Variants in DOP1A observed in about 807,000 individuals in gnomAD.
DOP1A encodes the protein protein DOP1A.
A neutral mutation model predicts 267.6 loss-of-function variants in DOP1A; 90 were observed. The observed-to-expected ratio is 0.34, with a 90% CI of 0.28 to 0.40. The LOEUF is 0.40. DOP1A is among the 10% of genes least tolerant of loss of function. DOP1A has a pLI of 1.00. For synonymous variants in DOP1A, 932 were observed against 999.1 expected (o/e 0.93, Z 1.27); for missense variants, 2,437 against 2,900.4 (o/e 0.84, Z 3.67).
chr6:83,130,338 A>G lies in DOP1A; in HGVS notation c.2557A>G (p.Arg853Gly). Reference sequence around the variant, plus strand: ...CCAGGGAAGAGTAGCTGTGGTTATTAGACCTCCCCTCACTCAGGGCAATCT... The same window carrying G: ...CCAGGGAAGAGTAGCTGTGGTTATTGGACCTCCCCTCACTCAGGGCAATCT... ...PNQGRVAVVI[R>G]PPLTQGNLRY... Residue 853 changes from arginine to glycine, a missense_variant, in exon 17 of 39, where the codon AGA becomes GGA. Arg to Gly is a moderately radical substitution (Grantham distance 125). Coordinates refer to ENST00000349129, the MANE Select transcript of DOP1A (RefSeq NM_015018.4). 1.2e-6 allele frequency: 2 copies of G among 1,614,114 alleles called. No homozygotes were observed. Among genetic ancestry groups the G allele is most frequent in the Non-Finnish European group, 1.7e-6 (2 of 1,179,970 alleles).
At chr6:83,076,700 A>C (rs1767153520) in intron 1 of DOP1A, among the ~76,000 whole-genome samples, 1 of 152,160 alleles carries the variant, frequency 6.6e-6, no homozygotes, top group Non-Finnish European at 1.5e-5. Context: ...CCCCTGTGGA[A>C]CACAGTATGG....
chr6:83,169,078 T>C, downstream of DOP1A: 1 of 1,432,178 alleles, frequency 7.0e-7, no homozygotes, highest in Non-Finnish European at 9.1e-7. Context: ...TATAAAGAAT[T>C]ATTCTGTTAG....
Position 83,132,185 on chromosome 6 carries a change from T to C in DOP1A, c.2626T>C (p.Leu876=). 16 of 1,609,910 alleles carry C rather than the reference T, an allele frequency of 9.9e-6. No homozygotes were observed. Among genetic ancestry groups the C allele is most frequent in the Non-Finnish European group, 1.3e-5 (15 of 1,176,782 alleles). Residue 876 remains leucine, a synonymous_variant, in exon 18 of 39, where the codon TTA becomes CTA. Transcript: ENST00000349129. ...TACATCTTTTTTATAGCATGTAGCT[T>C]TAACATTGTGGGACCAGTTGGGAGA... The part of the protein sequence containing the change: ...EKTEFFKHVA[L]TLWDQLGDGT...
Position 83,125,664 on chromosome 6 carries a change from T to C in DOP1A, c.1650T>C (p.Ala550=), listed in dbSNP as rs780129181. 1.9e-6 allele frequency: 3 copies of C among 1,613,806 alleles called. No homozygotes were observed. The highest frequency in any genetic ancestry group is 2.5e-6 in the Non-Finnish European group (3 of 1,179,778). Residue 550 remains alanine, a synonymous_variant, in exon 15 of 39, where the codon GCT becomes GCC. Transcript: ENST00000349129. ...LSKVQPPLLS[A]STGGVLQFPS... Reference sequence around the variant, plus strand: ...AGGTTCAGCCTCCACTGTTATCTGCTAGCACTGGAGGTGTTTTGCAGTTTC... The same window carrying C: ...AGGTTCAGCCTCCACTGTTATCTGCCAGCACTGGAGGTGTTTTGCAGTTTC...
rs1232749863 is a variant in DOP1A at position 83,129,200 on chromosome 6, T to G, written c.2033T>G (p.Leu678Trp). ...TAQKTAMQCCLEYVQQFLTRL... is the reference protein window; with the variant it reads ...TAQKTAMQCCWEYVQQFLTRL... ...CAAAAGACTGCAATGCAGTGCTGCT[T>G]GGAGTATGTCCAACAGTTTCTTACC... The change falls in exon 16 of 39, where the codon TTG (leucine) becomes TGG (tryptophan). Residue 678 changes from leucine (L) to tryptophan (W), a missense_variant. By Grantham distance (61) the Leu-to-Trp change is moderately conservative (BLOSUM62 -2). Coordinates refer to ENST00000349129, the MANE Select transcript of DOP1A (RefSeq NM_015018.4). 1.9e-6 allele frequency: 3 copies of G among 1,613,244 alleles called. No individual in the cohort carries two copies. Among genetic ancestry groups the G allele is most frequent in the Non-Finnish European group, 2.5e-6 (3 of 1,179,682 alleles).
At position 83,137,521 on chromosome 6, in the gene DOP1A, T is replaced by C. The variant is rs1487823074; in HGVS notation, c.3479T>C (p.Val1160Ala). 6.2e-7 allele frequency: 1 copy of C among 1,613,762 alleles called. No individual in the cohort carries two copies. The highest frequency in any genetic ancestry group is 8.5e-7 in the Non-Finnish European group (1 of 1,179,840). ...QQVVFDLICK[V>A]VSGLEVESAS... ...GTAGTATTTGACCTGATATGTAAAG[T>C]TGTAAGTGGCCTCGAAGTGGAATCT... The change falls in exon 21 of 39, where the codon GTT (valine) becomes GCT (alanine). Residue 1160 changes from valine to alanine, a missense_variant. Val to Ala is a moderately conservative substitution (Grantham distance 64). Coordinates refer to ENST00000349129, the MANE Select transcript of DOP1A (RefSeq NM_015018.4).
At chr6:83,122,487 A>C (rs868106612) in intron 11 of DOP1A, among the ~76,000 whole-genome samples, 6 of 151,974 alleles carry the variant, frequency 3.9e-5, no homozygotes, top group Non-Finnish European at 5.9e-5. Context: ...AATTCTTCAC[A>C]ATCAAGGCTG....
chr6:83,125,316 A>C, intron 14 of DOP1A, 121 bp downstream of exon 14: 4 of 1,181,262 alleles, frequency 3.4e-6, no homozygotes, highest in Non-Finnish European at 4.7e-6. Flanking sequence ...AAGTATTTAA[A>C]TTGAGAATTT....
chr6:83,164,777 C>G, intron 38 of DOP1A: 1 of 1,431,644 alleles, frequency 7.0e-7, no homozygotes, highest in Non-Finnish European at 9.6e-7. Context: ...AATATTGAGA[C>G]ACAAACCCAG....
chr6:83,090,048 G>C (rs550739682), intron 1 of DOP1A, among the ~76,000 whole-genome samples: 337 of 152,286 alleles, frequency 2.2e-3, no homozygotes, highest in Non-Finnish European at 4.3e-3. Context: ...AAGAAATTCA[G>C]AGCCACATCT....
intron 1 of DOP1A, among the ~76,000 whole-genome samples, chr6:83,082,306 A>G (rs9444033): frequency 0.028 from 4,338 of 152,322 alleles, 153 homozygotes; most frequent in East Asian, 0.084. Flanking sequence ...TATGGTTTAT[A>G]TACATGATGG....
chr6:83,162,707 ATC>A (rs1784517747), intron 37 of DOP1A, 81 bp from the exon 38 acceptor site: 2 of 1,437,682 alleles, frequency 1.4e-6, no homozygotes, highest in Non-Finnish European at 1.9e-6. Context: ...TGGGGTCATG[ATC>A]TTTCTACTAC....
chr6:83,087,230 G>A (rs1325481968), intron 1 of DOP1A, among the ~76,000 whole-genome samples: 2 of 152,128 alleles, frequency 1.3e-5, no homozygotes, highest in East Asian at 3.9e-4. Flanking sequence ...CAATGATGGA[G>A]GGAAGACAGT....
chr6:83,125,173 G>C lies in DOP1A; in HGVS notation c.1463G>C (p.Arg488Thr), dbSNP rs770977084. ...FLLDIVSLPT[R>T]SMRVLCQETY... ...TGCTTTCTCATTTTGAAGCCTACTAGAAGTATGAGGGTGCTGTGTCAGGTA... is the reference window on the plus strand; with the variant it reads ...TGCTTTCTCATTTTGAAGCCTACTACAAGTATGAGGGTGCTGTGTCAGGTA... The change falls in exon 14 of 39, where the codon AGA becomes ACA. Residue 488 changes from arginine (R) to threonine (T), a missense_variant. By Grantham distance (71) the Arg-to-Thr change is moderately conservative (BLOSUM62 -1). This residue lies in a region of DOP1A where 498 missense variants were observed against 513.5 expected (regional missense o/e 0.97). Transcript: ENST00000349129. 12 of 1,583,250 alleles carry C rather than the reference G, an allele frequency of 7.6e-6. 1 individual carries two copies. In the South Asian group the frequency reaches 1.3e-4, roughly 17 times the overall value.
intron 6 of DOP1A, 90 bp downstream of exon 6, chr6:83,110,404 C>A: frequency 8.0e-7 from 1 of 1,245,960 alleles, no homozygotes; most frequent in Non-Finnish European, 1.1e-6. Flanking sequence ...GTATAATGAA[C>A]AAAGTTCCTA....
At chr6:83,163,563 C>T (rs1258727779) in intron 38 of DOP1A, among the ~76,000 whole-genome samples, 1 of 152,106 alleles carries the variant, frequency 6.6e-6, no homozygotes, top group African/African-American at 2.4e-5. Flanking sequence ...AATTCATTTT[C>T]TAAGTATTTT....
intron 1 of DOP1A, among the ~76,000 whole-genome samples, chr6:83,078,588 T>G (rs1767540028): frequency 1.3e-5 from 2 of 152,208 alleles, no homozygotes; most frequent in Non-Finnish European, 2.9e-5. Flanking sequence ...ATGGTGCTGT[T>G]GACAGTAATG....
rs901247394 is a variant in DOP1A, at chr6:83,110,305, T to G, written c.672T>G (p.Ile224Met). 9.9e-6 allele frequency: 16 copies of G among 1,613,442 alleles called. No individual in the cohort carries two copies. The highest frequency in any genetic ancestry group is 1.4e-5 in the Non-Finnish European group (16 of 1,179,716). The change falls in exon 6 of 39, where the codon ATT (isoleucine) becomes ATG (methionine). Residue 224 changes from isoleucine to methionine, a missense_variant. By Grantham distance (10) the Ile-to-Met change is conservative. This residue lies in a region of DOP1A where 251 missense variants were observed against 359.1 expected (regional missense o/e 0.70). Coordinates refer to ENST00000349129, the MANE Select transcript of DOP1A (RefSeq NM_015018.4). ...EDQLYIIGSD[I>M]ELMVEAVSTS... is the part of the protein sequence containing the mutation. ...AACTTTATATAATTGGCAGTGATAT[T>G]GAGCTAATGGTAGGTCTAAAAATAT...
In DOP1A at chr6:83,096,967, G is replaced by A. The variant is rs1463916363; in HGVS notation, c.-11G>A. ...GTTTGGAACTGGTCTCTAGTGGGAA[G>A]TTGTGGGAGGATGAACACAGAAGAG... On this transcript the variant is annotated 5_prime_UTR_variant, in exon 3 of 39. Transcript: ENST00000349129. 1.9e-6 allele frequency: 3 copies of A among 1,613,442 alleles called. No individual in the cohort carries two copies. The highest frequency in any genetic ancestry group is 1.3e-5 in the African/African-American group (1 of 75,016).
Sources: allele counts gnomAD v4.1 joint callset (sites outside exome capture counted in the v4.1 genomes callset), GRCh38; gene constraint gnomAD v4.1.1; regional missense constraint gnomAD v4.1.1; transcripts MANE v1.5; gene names NCBI Gene and HGNC (gene_info 2026-07-23, HGNC 2026-07-21).